GAS5: variants seen among roughly 807,000 people sequenced by gnomAD.
GAS5 encodes growth arrest specific 5, also known as growth arrest specific 5 (non-protein coding).
chr1:173,864,783 T>A (rs1343535535), intron 6 of GAS5: 1 of 517,808 alleles, frequency 1.9e-6, no homozygotes, highest in Admixed American at 2.0e-5. Context: ...CATTATAGAA[T>A]GGCTATATTC....
chr1:173,867,668 C>T (rs1216678187), upstream of GAS5: 1 of 518,980 alleles, frequency 1.9e-6, no homozygotes, highest in African/African-American at 1.9e-5. Context: ...GGTGACTCGG[C>T]ATGTGCCACC....
intron 6 of GAS5, chr1:173,865,124 G>C: frequency 2.9e-6 from 1 of 340,716 alleles, no homozygotes; most frequent in Non-Finnish European, 5.7e-6. Flanking sequence ...CCTTGAACCT[G>C]GGAGGCAGAG....
intron 6 of GAS5, chr1:173,865,386 C>CA (rs1557870331): frequency 1.9e-6 from 1 of 515,824 alleles, no homozygotes; most frequent in Non-Finnish European, 3.9e-6. Context: ...TTTTCTTTCT[C>CA]AGAGAGATTC....
upstream of GAS5, chr1:173,867,083 G>A (rs566162011): frequency 3.7e-5 from 24 of 654,890 alleles, no homozygotes; most frequent in South Asian, 2.6e-4. Context: ...ATTGTTCCAC[G>A]GTTCTTTTTT....
exon 6 of GAS5, chr1:173,865,537 G>T: frequency 1.9e-6 from 1 of 514,944 alleles, no homozygotes; most frequent in Non-Finnish European, 3.9e-6. Flanking sequence ...GGATAAAAAC[G>T]TTACCAGGAG....
At chr1:173,867,769 G>A (rs1195988027), upstream of GAS5, 2 of 519,022 alleles carry the variant, frequency 3.9e-6, no homozygotes, top group South Asian at 1.4e-5. Context: ...AGGCTTCTCC[G>A]CAGTTCTACT....
chr1:173,865,719 CAT>C (rs765442504), intron 5 of GAS5: 15 of 519,216 alleles, frequency 2.9e-5, no homozygotes, highest in African/African-American at 5.8e-5. Context: ...AAGGAAAACA[CAT>C]AAACACTGTT....
At chr1:173,864,188 GAGTTCA>G (rs766170375) in intron 7 of GAS5, 2 of 518,486 alleles carry the variant, frequency 3.9e-6, no homozygotes, top group Non-Finnish European at 7.7e-6. Context: ...ATCAGTGAGA[GAGTTCA>G]AGTTGGATTG....
upstream of GAS5, chr1:173,867,580 G>T: frequency 2.0e-6 from 1 of 508,890 alleles, no homozygotes; most frequent in Non-Finnish European, 3.9e-6. Context: ...TAAGCACGTG[G>T]ACTACCACCG....
chr1:173,867,103 G>A (rs1220448460), upstream of GAS5: 4 of 614,530 alleles, frequency 6.5e-6, no homozygotes, highest in Non-Finnish European at 1.2e-5. Flanking sequence ...TTTAAAGAGT[G>A]TTCTTTAAAA....
chr1:173,867,428 G>C, upstream of GAS5: 1 of 361,208 alleles, frequency 2.8e-6, no homozygotes, highest in Non-Finnish European at 5.4e-6. Context: ...AGGCAGAACT[G>C]CTTAACTCGG....
chr1:173,866,461 A>T, intron 3 of GAS5: 1 of 632,240 alleles, frequency 1.6e-6, no homozygotes, highest in Non-Finnish European at 3.0e-6. Flanking sequence ...TAACATAGAT[A>T]ATCATCATTG....
intron 6 of GAS5, chr1:173,864,598 C>T (rs892060692): frequency 5.3e-6 from 2 of 377,206 alleles, no homozygotes; most frequent in African/African-American, 2.1e-5. Context: ...GCTAATCACT[C>T]CCATCTACAG....
chr1:173,868,160 C>G (rs1655110408), upstream of GAS5: 1 of 158,964 alleles, frequency 6.3e-6, no homozygotes, highest in Non-Finnish European at 1.4e-5. Flanking sequence ...CGCCCTTCCT[C>G]GCCATTGTGG....
At position 173,864,802 on chromosome 1, in the gene GAS5, G is replaced by A. The variant is rs762416277; in HGVS notation, n.277-498C>T. 7.1e-5 allele frequency: 37 copies of A among 518,550 alleles called. No individual in the cohort carries two copies. The East Asian group carries it at 1.3e-3, about 18-fold the overall frequency. The allele number at this position is 518,550 out of a possible 1,614,324, so 32.1% of individuals were successfully genotyped here. ...ATAGAATGGCTATATTCCCCTTTTC[G>A]GGGCATAAACTAGAATGTTACCGCC... On this transcript the variant is annotated intron_variant and non_coding_transcript_variant, in intron 6 of 7. Coordinates refer to ENST00000651080, the Ensembl canonical transcript of GAS5.
At chr1:173,866,202 A>G (rs1218387147) in exon 4 of GAS5, 1 of 478,226 alleles carries the variant, frequency 2.1e-6, no homozygotes, top group African/African-American at 2.0e-5. Context: ...CTTTCTGTCT[A>G]ATGCCTGTAA....
rs369307892 is a variant in GAS5, at chr1:173,866,698, A to T, written n.91+63T>A. The T allele has an allele frequency of 3.4e-5, 26 of 765,372 alleles. No individual in the cohort carries two copies. In the East Asian group the frequency reaches 6.1e-4, roughly 18 times the overall value. The allele number at this position is 765,372 out of a possible 1,614,324, so 47.4% of individuals were successfully genotyped here. Reference sequence around the variant, plus strand: ...TCTAGCACTCAAGAGTAGCAAATAAACTGTCATCATTGTGGCACATCCAAT... The same window carrying T: ...TCTAGCACTCAAGAGTAGCAAATAATCTGTCATCATTGTGGCACATCCAAT... On this transcript the variant is annotated intron_variant and non_coding_transcript_variant, in intron 2 of 7. Coordinates refer to ENST00000651080, the Ensembl canonical transcript of GAS5.
At chr1:173,865,664 A>C (rs373937676) in intron 5 of GAS5, 3 of 519,228 alleles carry the variant, frequency 5.8e-6, no homozygotes, top group Middle Eastern at 3.2e-4. Context: ...TTCAGGTCAG[A>C]CATTTGATCA....
chr1:173,866,319 G>C, intron 3 of GAS5: 4 of 519,308 alleles, frequency 7.7e-6, no homozygotes, highest in Non-Finnish European at 1.5e-5. Flanking sequence ...CAGACAGATA[G>C]TACATCTCTT....
Sources: gnomAD v4.1 joint callset for allele counts on GRCh38, gnomAD v4.1.1 for gene constraint, MANE v1.5 for transcripts, NCBI Gene and HGNC (gene_info 2026-07-23, HGNC 2026-07-21) for gene names.